Variants in RIN3 observed in about 807,000 individuals in gnomAD.
RIN3 encodes Ras and Rab interactor 3, also known as RAB5 interacting protein 3.
A neutral mutation model predicts 76.3 loss-of-function variants in RIN3; 54 were observed. That is an observed-to-expected ratio of 0.71 (90% CI 0.57 to 0.89). RIN3 has a LOEUF of 0.89. Ranked by LOEUF, RIN3 falls within the 40% of genes least tolerant of loss-of-function variation. The pLI is 0.00. For missense variants in RIN3, 1,256 were observed against 1,322.1 expected, an observed-to-expected ratio of 0.95 and a Z score of 0.78; for synonymous variants, 576 against 564.0, an observed-to-expected ratio of 1.02 and a Z score of -0.30.
intron 7 of RIN3, among the ~76,000 whole-genome samples, chr14:92,672,126 G>A (rs1240988526): frequency 1.3e-5 from 2 of 152,156 alleles, no homozygotes; most frequent in Non-Finnish European, 2.9e-5. Context: ...GACTGGGGCC[G>A]GGCGTGCGGC....
At chr14:92,533,215 G>T (rs774692105) in intron 1 of RIN3, among the ~76,000 whole-genome samples, 1 of 152,214 alleles carries the variant, frequency 6.6e-6, no homozygotes, top group Non-Finnish European at 1.5e-5. Flanking sequence ...ATTGTCCAGT[G>T]TGATAGCCAC....
chr14:92,516,151 T>A (rs1896436118), intron 1 of RIN3, among the ~76,000 whole-genome samples: 1 of 152,212 alleles, frequency 6.6e-6, no homozygotes, highest in African/African-American at 2.4e-5. Context: ...AAAGGTCTGC[T>A]TAAGATTTCA....
chr14:92,621,255 A>AAAAAAAAAAAAAAAT (rs34129546), intron 4 of RIN3, among the ~76,000 whole-genome samples: 1 of 151,198 alleles, frequency 6.6e-6, no homozygotes, highest in Non-Finnish European at 1.5e-5. Context: ...AAAAAAAAAA[A>AAAAAAAAAAAAAAAT]GAATTACCAA....
At chr14:92,586,293 A>G (rs911475939) in intron 3 of RIN3, among the ~76,000 whole-genome samples, 1 of 152,240 alleles carries the variant, frequency 6.6e-6, no homozygotes, top group Non-Finnish European at 1.5e-5. Flanking sequence ...TTTGAGCAGC[A>G]TGCAGTTCAT....
At chr14:92,547,649 G>C (rs1300354577) in intron 1 of RIN3, among the ~76,000 whole-genome samples, 1 of 151,836 alleles carries the variant, frequency 6.6e-6, no homozygotes, top group Non-Finnish European at 1.5e-5. Flanking sequence ...TCCCACCTTA[G>C]CCTCTCAAAG....
chr14:92,561,973 A>C (rs963532682), intron 2 of RIN3, among the ~76,000 whole-genome samples: 4 of 152,224 alleles, frequency 2.6e-5, no homozygotes, highest in Non-Finnish European at 5.9e-5. Context: ...GGCGTGAGCC[A>C]CCATGCCTGG....
intron 3 of RIN3, among the ~76,000 whole-genome samples, chr14:92,606,286 C>T (rs1885524485): frequency 1.3e-5 from 2 of 152,026 alleles, no homozygotes; most frequent in Admixed American, 1.3e-4. Context: ...TACCTGTAAT[C>T]CCAACACTTT....
chr14:92,532,063 G>A (rs1259226503), intron 1 of RIN3, among the ~76,000 whole-genome samples: 1 of 151,972 alleles, frequency 6.6e-6, no homozygotes, highest in Non-Finnish European at 1.5e-5. Flanking sequence ...TGAGTAGCTG[G>A]GACTACAGGC....
chr14:92,652,549 G>A lies in RIN3; in HGVS notation c.1500G>A (p.Glu500=). ...CACCCACGCCGGGTCCACCCAGAGA[G>A]GGCCAAAGCCCTGCTTCTCAGGCTG... is the stretch of plus-strand genomic sequence containing the variant. ...LETPTPGPPR[E]GQSPASQAGT... The change falls in exon 6 of 10, where the codon GAG becomes GAA. Residue 500 remains glutamate (E), a synonymous_variant. Coordinates refer to ENST00000216487, the MANE Select transcript of RIN3 (RefSeq NM_024832.5). This position sits in a 1 kb window ranked among gnomAD's most constrained non-coding sequence, Gnocchi z 6.4. 6.2e-7 allele frequency: 1 copy of A among 1,613,388 alleles called. No individual in the cohort carries two copies. Among genetic ancestry groups the A allele is most frequent in the South Asian group, 1.1e-5 (1 of 91,082 alleles).
chr14:92,617,113 A>G (rs111937274), intron 4 of RIN3, among the ~76,000 whole-genome samples: 99 of 152,276 alleles, frequency 6.5e-4, no homozygotes, highest in African/African-American at 2.3e-3. Flanking sequence ...AGCCTGGCCA[A>G]CATGGTGAAA....
rs758383180 is a variant in RIN3 at position 92,577,493 on chromosome 14, C to G, written c.367+16C>G. On this transcript the variant is annotated intron_variant, in intron 3 of 9. Transcript: ENST00000216487. The stretch of plus-strand genomic sequence containing the variant: ...GAAAAGTCGAGTAAGTACCCATCTT[C>G]TCTGTTTTCACTTTGACCACGCGGC... The G allele has an allele frequency of 6.4e-7, 1 of 1,553,142 alleles. No homozygotes were observed. The highest frequency in any genetic ancestry group is 1.4e-5 in the African/African-American group (1 of 73,726).
chr14:92,541,237 C>G (rs1243668412), intron 1 of RIN3, among the ~76,000 whole-genome samples: 1 of 152,234 alleles, frequency 6.6e-6, no homozygotes, highest in Non-Finnish European at 1.5e-5. Context: ...TATCTCCATT[C>G]ATCTCCACAA....
chr14:92,564,822 A>ACG (rs1289865750), intron 2 of RIN3, among the ~76,000 whole-genome samples: 3 of 152,208 alleles, frequency 2.0e-5, no homozygotes, highest in African/African-American at 7.2e-5. Context: ...ACGCGCACAC[A>ACG]CACGCGCGCG....
intron 4 of RIN3, among the ~76,000 whole-genome samples, chr14:92,637,523 T>C (rs760173394): frequency 4.6e-5 from 7 of 152,046 alleles, no homozygotes; most frequent in Non-Finnish European, 8.8e-5. Context: ...AGCCCAGGGG[T>C]TGGGGACCCC....
intron 4 of RIN3, among the ~76,000 whole-genome samples, chr14:92,621,592 G>A (rs1022810896): frequency 6.6e-6 from 1 of 152,180 alleles, no homozygotes; most frequent in African/African-American, 2.4e-5. Context: ...ACATTTTATG[G>A]TTGACAATTG....
chr14:92,659,873 A>G (rs937218136), intron 7 of RIN3, among the ~76,000 whole-genome samples: 4 of 152,190 alleles, frequency 2.6e-5, no homozygotes, highest in African/African-American at 9.7e-5. Flanking sequence ...TGCTCCCTCT[A>G]AAGACACCAG....
chr14:92,592,656 A>G (rs1193613144), intron 3 of RIN3, among the ~76,000 whole-genome samples: 1 of 108,730 alleles, frequency 9.2e-6, no homozygotes, highest in Non-Finnish European at 2.1e-5. Flanking sequence ...TATTATTATT[A>G]TTATTATTAT....
chr14:92,534,723 G>T (rs557390467), intron 1 of RIN3, among the ~76,000 whole-genome samples: 1 of 152,006 alleles, frequency 6.6e-6, no homozygotes, highest in African/African-American at 2.4e-5. Context: ...GCCAGGCAGG[G>T]GGTCTCTGCT....
intron 1 of RIN3, among the ~76,000 whole-genome samples, chr14:92,521,974 G>C (rs1481481562): frequency 6.6e-6 from 1 of 151,496 alleles, no homozygotes; most frequent in African/African-American, 2.4e-5. Context: ...TTGCAGATAG[G>C]AGAAACGCAC....
Sources: gnomAD v4.1 joint callset for allele counts (sites outside exome capture counted in the v4.1 genomes callset) on GRCh38, gnomAD v4.1.1 for gene constraint, Gnocchi (gnomAD v3.1) non-coding constraint, MANE v1.5 for transcripts, NCBI Gene and HGNC (gene_info 2026-07-23, HGNC 2026-07-21) for gene names.